ZNF280C: variants seen among roughly 807,000 people sequenced by gnomAD.
ZNF280C encodes suppressor of hairy wing homolog 3.
Under a neutral mutation model 53.6 loss-of-function variants are expected in ZNF280C, and 14 were observed. The ratio of observed to expected loss-of-function variants is 0.26; its 90% CI spans 0.17 to 0.41. ZNF280C has a LOEUF of 0.41. ZNF280C is among the 10% of genes least tolerant of loss of function. The probability of loss-of-function intolerance (pLI) is 1.00; values close to 1 mark genes in which losing one functional copy is unlikely to be tolerated. For missense variants in ZNF280C, 416 were observed against 547.1 expected (o/e 0.76, Z 2.39); for synonymous variants, 203 against 181.1 (o/e 1.12, Z -0.97).
In ZNF280C at chrX:130,204,111, C is replaced by T. The variant is rs973973823; in HGVS notation, c.*866G>A. ...CTTTATCCAAGAACAAGAAAGTAAC[C>T]TTGGTTCCCATACAATCAGAATTTT... On this transcript the variant is annotated 3_prime_UTR_variant, in exon 19 of 19. Coordinates refer to ENST00000370978, the MANE Select transcript of ZNF280C (RefSeq NM_017666.5). 5.4e-5 allele frequency: 6 copies of T among 110,930 alleles called. No individual in the cohort carries two copies. The highest frequency in any genetic ancestry group is 9.6e-5 in the Admixed American group (1 of 10,377). 9.1% of individuals were successfully genotyped at this position (110,930 alleles called of 1,213,427 possible).
At chrX:130,213,181 G>A (rs933956243) in intron 15 of ZNF280C, among the ~76,000 whole-genome samples, 6 of 109,547 alleles carry the variant, frequency 5.5e-5, no homozygotes, top group Non-Finnish European at 9.5e-5. Flanking sequence ...GTGAAACCCC[G>A]TCTCTACTAC....
intron 16 of ZNF280C, among the ~76,000 whole-genome samples, 157 bp downstream of exon 16, chrX:130,209,496 C>G (rs2032018681): frequency 9.0e-6 from 1 of 111,671 alleles, no homozygotes; most frequent in Non-Finnish European, 1.9e-5. Flanking sequence ...CTTGGCACTA[C>G]AGAGTTTAGT....
chrX:130,223,026 C>T (rs1247485066), intron 12 of ZNF280C, among the ~76,000 whole-genome samples: 1 of 111,076 alleles, frequency 9.0e-6, no homozygotes, highest in Non-Finnish European at 1.9e-5. Context: ...TGTTGAACTT[C>T]TTGACATGCA....
At chrX:130,231,648 A>G (rs2032277411) in intron 8 of ZNF280C, among the ~76,000 whole-genome samples, 1 of 110,847 alleles carries the variant, frequency 9.0e-6, no homozygotes, top group Admixed American at 9.6e-5. Context: ...TGACAGGATC[A>G]GTAGAAGTCC....
chrX:130,268,847 C>A lies in ZNF280C; in HGVS notation c.-102G>T, dbSNP rs1016726707. On this transcript the variant is annotated 5_prime_UTR_variant, in exon 1 of 19. Coordinates refer to ENST00000370978, the MANE Select transcript of ZNF280C (RefSeq NM_017666.5). ...GGAAAGGGAGGAGCGCGAAAAACCT[C>A]AGGCGACAGCCTCAGCAACAGCGAC... 1 of 112,630 alleles carries A rather than the reference C, an allele frequency of 8.9e-6. No homozygotes were observed. Among genetic ancestry groups the A allele is most frequent in the African/African-American group, 3.2e-5 (1 of 30,927 alleles). 9.3% of individuals were successfully genotyped at this position (112,630 alleles called of 1,213,427 possible). A position where few individuals can be genotyped will look rare whatever the true frequency, so the allele number is the denominator to read the frequency against.
chrX:130,228,871 A>T, intron 10 of ZNF280C, 106 bp downstream of exon 10: 1 of 811,973 alleles, frequency 1.2e-6, no homozygotes, highest in Non-Finnish European at 1.7e-6. Flanking sequence ...CCCTCATATT[A>T]CAAAGTCTAC....
Position 130,205,160 on chromosome X carries a change from T to G in ZNF280C, c.2162-7A>C, listed in dbSNP as rs747069834. On this transcript the variant is annotated splice_region_variant and splice_polypyrimidine_tract_variant and intron_variant, in intron 17 of 18. Coordinates refer to ENST00000370978, the MANE Select transcript of ZNF280C (RefSeq NM_017666.5). Reference sequence around the variant, plus strand: ...GTTGAGGTACTTTTGGAAACTGAAATCAAAAGAGTTTTACATTTACAATAG... The same window carrying G: ...GTTGAGGTACTTTTGGAAACTGAAAGCAAAAGAGTTTTACATTTACAATAG... 2.5e-6 allele frequency: 3 copies of G among 1,196,564 alleles called. No homozygotes were observed. In the African/African-American group the frequency reaches 5.3e-5, roughly 21 times the overall value.
chrX:130,227,564 A>T (rs1357902612), intron 11 of ZNF280C, 118 bp downstream of exon 11: 1 of 575,356 alleles, frequency 1.7e-6, no homozygotes, highest in East Asian at 3.4e-5. Flanking sequence ...AGGGTCTTCA[A>T]TTTTAGCATA....
chrX:130,243,695 A>C lies in ZNF280C; in HGVS notation c.249T>G (p.Ile83Met). The change falls in exon 5 of 19, where the codon ATT (isoleucine) becomes ATG (methionine). Residue 83 changes from isoleucine (I) to methionine (M), a missense_variant. Transcript: ENST00000370978. ...GIKSEPHSPG[I>M]PEIFRTASQR... ...GACTTGCAGTCCTGAATATTTCAGG[A>C]ATACCTGTATTTTAAAATTATACAA... The C allele has an allele frequency of 8.3e-7, 1 of 1,204,072 alleles. No individual in the cohort carries two copies. The highest frequency in any genetic ancestry group is 1.1e-6 in the Non-Finnish European group (1 of 891,875).
At chrX:130,237,813 T>C (rs200796793) in intron 6 of ZNF280C, among the ~76,000 whole-genome samples, 4 of 111,791 alleles carry the variant, frequency 3.6e-5, no homozygotes, top group Non-Finnish European at 7.6e-5. Context: ...CTAAGACTAA[T>C]TTTTGTGTAA....
At chrX:130,259,921 C>T (rs1031149963) in intron 2 of ZNF280C, among the ~76,000 whole-genome samples, 3 of 110,482 alleles carry the variant, frequency 2.7e-5, no homozygotes, top group Non-Finnish European at 5.7e-5. Context: ...ACCTGGGCAG[C>T]GGAGCTTGCT....
intron 1 of ZNF280C, among the ~76,000 whole-genome samples, chrX:130,267,514 T>C (rs1479212151): frequency 3.6e-5 from 4 of 111,600 alleles, no homozygotes; most frequent in East Asian, 2.8e-4. Flanking sequence ...CTTGAGGCTG[T>C]TTCCTCATCT....
At chrX:130,262,219 T>C (rs2032637865) in intron 1 of ZNF280C, among the ~76,000 whole-genome samples, 1 of 111,177 alleles carries the variant, frequency 9.0e-6, no homozygotes, top group Non-Finnish European at 1.9e-5. Context: ...AGCTGTGCTA[T>C]CCAATGAGGT....
chrX:130,239,568 G>C lies in ZNF280C; in HGVS notation c.493+14C>G. The C allele has an allele frequency of 2.9e-6, 3 of 1,031,453 alleles. No homozygotes were observed. Among genetic ancestry groups the C allele is most frequent in the Non-Finnish European group, 4.1e-6 (3 of 738,261 alleles). 85.0% of individuals were successfully genotyped at this position (1,031,453 alleles called of 1,213,427 possible). A position where few individuals can be genotyped will look rare whatever the true frequency, so the allele number is the denominator to read the frequency against. On this transcript the variant is annotated intron_variant, in intron 6 of 18. Coordinates refer to ENST00000370978, the MANE Select transcript of ZNF280C (RefSeq NM_017666.5). ...CTCTTTTTATAATTTTTATGAAAGAGTGCTAAACCAAACCTTCTCTAAAAA... is the reference window on the plus strand; with the variant it reads ...CTCTTTTTATAATTTTTATGAAAGACTGCTAAACCAAACCTTCTCTAAAAA...
intron 8 of ZNF280C, among the ~76,000 whole-genome samples, chrX:130,233,622 C>CAAA (rs35420272): frequency 3.8e-5 from 2 of 52,822 alleles, no homozygotes; most frequent in African/African-American, 1.4e-4. Flanking sequence ...AACTCTGTCT[C>CAAA]AAAAAAAAAA....
intron 16 of ZNF280C, 59 bp from the exon 17 acceptor site, chrX:130,205,474 G>T: frequency 1.2e-6 from 1 of 812,332 alleles, no homozygotes; most frequent in Non-Finnish European, 1.8e-6. Context: ...ATCCATATGA[G>T]CTCAATAATT....
At chrX:130,224,081 C>T (rs1039767288) in intron 12 of ZNF280C, among the ~76,000 whole-genome samples, 9 of 111,829 alleles carry the variant, frequency 8.0e-5, no homozygotes, top group Non-Finnish European at 5.6e-5. Flanking sequence ...TCCCCTCCGC[C>T]CCCCAATTCA....
intron 1 of ZNF280C, 139 bp from the exon 2 acceptor site, chrX:130,260,604 G>A (rs1045585858): frequency 5.9e-6 from 2 of 338,256 alleles, no homozygotes; most frequent in Non-Finnish European, 1.0e-5. Context: ...CTCCAGACAA[G>A]ACAGTAAGCT....
intron 12 of ZNF280C, among the ~76,000 whole-genome samples, chrX:130,222,946 T>G (rs929038276): frequency 9.0e-6 from 1 of 111,196 alleles, no homozygotes; most frequent in South Asian, 3.7e-4. Context: ...TGTGCCCAAC[T>G]AATACATTTT....
Sources: allele counts gnomAD v4.1 joint callset (sites outside exome capture counted in the v4.1 genomes callset), GRCh38; gene constraint gnomAD v4.1.1; transcripts MANE v1.5; gene names NCBI Gene and HGNC (gene_info 2026-07-23, HGNC 2026-07-21).